ALPK1: variants seen among roughly 807,000 people sequenced by gnomAD.
ALPK1 encodes alpha kinase 1.
Under a neutral mutation model 120.6 loss-of-function variants are expected in ALPK1, and 110 were observed. The observed-to-expected ratio is 0.91, with a 90% confidence interval of 0.78 to 1.07. ALPK1 has a LOEUF of 1.07. Ranked by LOEUF, ALPK1 falls within the 50% of genes least tolerant of loss-of-function variation. The probability of loss-of-function intolerance (pLI) is 0.00; values close to 1 mark genes in which losing one functional copy is unlikely to be tolerated. For synonymous variants in ALPK1, 582 were observed against 560.3 expected, an observed-to-expected ratio of 1.04 and a Z score of -0.55; for missense variants, 1,498 against 1,483.9, an observed-to-expected ratio of 1.01 and a Z score of -0.16.
intron 1 of ALPK1, among the ~76,000 whole-genome samples, chr4:112,313,120 A>G (rs1381185360): frequency 6.6e-6 from 1 of 152,242 alleles, no homozygotes; most frequent in Non-Finnish European, 1.5e-5. Flanking sequence ...TCTGAAGTTT[A>G]AGGTGAAGTT....
chr4:112,357,461 A>G (rs1301131400), intron 2 of ALPK1: 3 of 712,426 alleles, frequency 4.2e-6, no homozygotes, highest in Non-Finnish European at 7.5e-6. Flanking sequence ...TGCAGCAGAA[A>G]GCGAGGGAAG....
intron 1 of ALPK1, among the ~76,000 whole-genome samples, chr4:112,313,089 A>G (rs1196634061): frequency 6.6e-6 from 1 of 152,254 alleles, no homozygotes; most frequent in African/African-American, 2.4e-5. Flanking sequence ...GCAGATATCA[A>G]GTTACGGTTG....
At chr4:112,389,817 T>C (rs1732324240) in intron 4 of ALPK1, among the ~76,000 whole-genome samples, 2 of 152,158 alleles carry the variant, frequency 1.3e-5, no homozygotes, top group Non-Finnish European at 2.9e-5. Context: ...CCTTTCAGGG[T>C]CCAGTAGAAT....
rs1236916323 is a variant in ALPK1, at chr4:112,435,285, G to C, written c.3172G>C (p.Glu1058Gln). Residue 1058 changes from glutamate to glutamine, a missense_variant, in exon 12 of 16, where the codon GAA (glutamate) becomes CAA (glutamine). Coordinates refer to ENST00000650871, the MANE Select transcript of ALPK1 (RefSeq NM_025144.4). ...NAFWVHHLHQ[E>Q]EILGRYVGKD... ...TTTTTGGGTTCATCATCTTCATCAA[G>C]AAGAAATTCTGGGGAGGTATTACTT... 11 of 1,609,736 alleles carry C rather than the reference G, an allele frequency of 6.8e-6. No homozygotes were observed. The highest frequency in any genetic ancestry group is 9.3e-6 in the Non-Finnish European group (11 of 1,178,974).
At chr4:112,306,846 A>C (rs1400861593) in intron 1 of ALPK1, among the ~76,000 whole-genome samples, 1 of 151,898 alleles carries the variant, frequency 6.6e-6, no homozygotes, top group Admixed American at 6.6e-5. Flanking sequence ...TGATGTTAGG[A>C]TGTCAATTTA....
chr4:112,352,090 G>T (rs558190198), intron 2 of ALPK1, among the ~76,000 whole-genome samples: 2 of 152,168 alleles, frequency 1.3e-5, no homozygotes, highest in South Asian at 2.1e-4. Flanking sequence ...GGAGTCCCTG[G>T]TTCCAACCCT....
rs1480580169 is a variant in ALPK1, at chr4:112,297,443, A to T, written c.-179A>T. Reference sequence around the variant, plus strand: ...GCTCAGAGTTAGATTTGCTGGTCTTAAAGTACTTTTCCTCTTTAAGATAAA... The same window carrying T: ...GCTCAGAGTTAGATTTGCTGGTCTTTAAGTACTTTTCCTCTTTAAGATAAA... On this transcript the variant is annotated 5_prime_UTR_variant, in exon 1 of 16. Transcript: ENST00000650871. 1 of 152,016 alleles carries T rather than the reference A, an allele frequency of 6.6e-6. No individual in the cohort carries two copies. Among genetic ancestry groups the T allele is most frequent in the Non-Finnish European group, 1.5e-5 (1 of 67,990 alleles). 9.4% of individuals were successfully genotyped at this position (152,016 alleles called of 1,614,324 possible).
chr4:112,357,439 C>G, intron 2 of ALPK1: 1 of 705,642 alleles, frequency 1.4e-6, no homozygotes. Flanking sequence ...CATCTGATGC[C>G]TGGAGCACCA....
At chr4:112,341,558 A>G (rs2148706256) in intron 2 of ALPK1, among the ~76,000 whole-genome samples, 1 of 152,312 alleles carries the variant, frequency 6.6e-6, no homozygotes, top group East Asian at 1.9e-4. Context: ...CAAATTCATT[A>G]TGTCTTTTTT....
intron 5 of ALPK1, among the ~76,000 whole-genome samples, chr4:112,416,065 A>G (rs984214485): frequency 6.6e-6 from 1 of 152,188 alleles, no homozygotes; most frequent in African/African-American, 2.4e-5. Flanking sequence ...CTAGCAACAA[A>G]AAGACACAAA....
chr4:112,388,073 C>G (rs991730106), intron 4 of ALPK1, among the ~76,000 whole-genome samples: 8 of 152,188 alleles, frequency 5.3e-5, no homozygotes, highest in Admixed American at 5.2e-4. Context: ...ATAATGGCCT[C>G]CAGCTCCATC....
At chr4:112,301,808 G>T (rs1042782963) in intron 1 of ALPK1, among the ~76,000 whole-genome samples, 7 of 152,130 alleles carry the variant, frequency 4.6e-5, no homozygotes, top group African/African-American at 1.7e-4. Flanking sequence ...GTGCAGTGAT[G>T]TGATTGTGAT....
intron 5 of ALPK1, among the ~76,000 whole-genome samples, chr4:112,415,723 G>A (rs941605974): frequency 1.3e-5 from 2 of 151,908 alleles, no homozygotes; most frequent in Admixed American, 6.6e-5. Context: ...AACAGGCAGC[G>A]CATGCAAGTT....
intron 2 of ALPK1, 65 bp downstream of exon 2, chr4:112,315,917 CATT>C (rs1728616537): frequency 6.6e-6 from 1 of 152,124 alleles, no homozygotes. Context: ...AATACGTAGT[CATT>C]GTAGAAAATA....
intron 2 of ALPK1, among the ~76,000 whole-genome samples, chr4:112,375,744 GA>G (rs1268659775): frequency 3.3e-5 from 5 of 151,416 alleles, no homozygotes; most frequent in Non-Finnish European, 7.4e-5. Flanking sequence ...TTTTCTTCAA[GA>G]AATTTTTTTT....
rs900600067 is a variant in ALPK1 at position 112,382,991 on chromosome 4, C to T, written c.276+439C>T. On this transcript the variant is annotated intron_variant, in intron 4 of 15. Transcript: ENST00000650871. Reference sequence around the variant, plus strand: ...GTCTGGCATATTCCTTCCCTGAGCCCCACCTAGGGTCCTGTTGACTTTCTT... The same window carrying T: ...GTCTGGCATATTCCTTCCCTGAGCCTCACCTAGGGTCCTGTTGACTTTCTT... 6.9e-5 allele frequency: 12 copies of T among 174,924 alleles called. 1 individual carries two copies. The highest frequency in any genetic ancestry group is 1.1e-4 in the Non-Finnish European group (9 of 81,732). 10.8% of individuals were successfully genotyped at this position (174,924 alleles called of 1,614,324 possible).
At chr4:112,306,373 T>C (rs1379024223) in intron 1 of ALPK1, among the ~76,000 whole-genome samples, 1 of 152,132 alleles carries the variant, frequency 6.6e-6, no homozygotes, top group Admixed American at 6.5e-5. Flanking sequence ...TGAATCTGTC[T>C]GGTCCTGGAC....
intron 1 of ALPK1, chr4:112,302,401 C>T (rs1397134631): frequency 6.6e-6 from 1 of 152,324 alleles, no homozygotes; most frequent in Non-Finnish European, 1.5e-5. Context: ...CCGGGCCACT[C>T]CTCTCAGGTA....
chr4:112,377,099 T>A (rs763033898), intron 2 of ALPK1, among the ~76,000 whole-genome samples: 30 of 152,216 alleles, frequency 2.0e-4, no homozygotes, highest in Non-Finnish European at 3.2e-4. Context: ...ATCCGTTTGA[T>A]GGATTTGGGA....
Sources: allele counts gnomAD v4.1 joint callset (sites outside exome capture counted in the v4.1 genomes callset), GRCh38; gene constraint gnomAD v4.1.1; transcripts MANE v1.5; gene names NCBI Gene and HGNC (gene_info 2026-07-23, HGNC 2026-07-21).